The following SYNDIG1 variants were observed in gnomAD, a reference collection of about 807,000 sequenced individuals.
The protein encoded by SYNDIG1 is synapse differentiation-inducing gene protein 1.
SYNDIG1 carries 9 observed loss-of-function variants against 19.4 expected under a neutral mutation model. The ratio of observed to expected loss-of-function variants is 0.46; its 90% CI spans 0.28 to 0.81. The LOEUF is 0.81. Among genes scored for constraint, SYNDIG1 ranks in the 30% least tolerant of loss-of-function variants. The pLI, the probability that SYNDIG1 is intolerant of heterozygous loss-of-function variation, is 0.12. For missense variants in SYNDIG1, 311 were observed against 343.3 expected (o/e 0.91, Z 0.74); for synonymous variants, 141 against 145.9 (o/e 0.97, Z 0.24).
chr20:24,619,436 A>G (rs2059002459), intron 3 of SYNDIG1, among the ~76,000 whole-genome samples: 1 of 152,210 alleles, frequency 6.6e-6, no homozygotes, highest in Admixed American at 6.5e-5. Context: ...AGGGTAGCCA[A>G]TCACTTGTAC....
At position 24,587,972 on chromosome 20, in the gene SYNDIG1, A is replaced by C. The variant is rs959533227; in HGVS notation, c.618+2979A>C. ...ACATGCCAAGCCATTACAGAAAAAC[A>C]AAACAACATCTTATGGTGGTCTGAT... On this transcript the variant is annotated intron_variant, in intron 3 of 3. Transcript: ENST00000376862. 5.9e-5 allele frequency among the ~76,000 whole-genome samples: 9 copies of C among 152,264 alleles called. No individual in the cohort carries two copies. In the East Asian group the frequency reaches 1.7e-3, roughly 29 times the overall value.
intron 3 of SYNDIG1, among the ~76,000 whole-genome samples, chr20:24,595,971 T>G (rs956798658): frequency 1.3e-5 from 2 of 152,200 alleles, no homozygotes; most frequent in African/African-American, 4.8e-5. Flanking sequence ...TCACCTCTGA[T>G]TCTGGTTACT....
chr20:24,537,301 A>G (rs1224427324), intron 1 of SYNDIG1, among the ~76,000 whole-genome samples: 1 of 152,236 alleles, frequency 6.6e-6, no homozygotes, highest in African/African-American at 2.4e-5. Flanking sequence ...AATGAATCAC[A>G]TGCACCCATC....
intron 2 of SYNDIG1, among the ~76,000 whole-genome samples, chr20:24,547,778 A>G (rs2057609642): frequency 6.6e-6 from 1 of 152,208 alleles, no homozygotes; most frequent in South Asian, 2.1e-4. Flanking sequence ...AAACTCAGAG[A>G]GACTTCAGGG....
intron 1 of SYNDIG1, among the ~76,000 whole-genome samples, chr20:24,489,998 T>A (rs1344180394): frequency 6.6e-6 from 1 of 152,168 alleles, no homozygotes; most frequent in South Asian, 2.1e-4. Context: ...CCGAGCTGAA[T>A]CCACCACATC....
intron 1 of SYNDIG1, among the ~76,000 whole-genome samples, chr20:24,517,354 G>A (rs973607140): frequency 1.3e-4 from 19 of 150,386 alleles, no homozygotes; most frequent in Admixed American, 4.0e-4. Context: ...GGTGGCTCAC[G>A]CCTGTAATCC....
intron 1 of SYNDIG1, among the ~76,000 whole-genome samples, chr20:24,504,085 G>T (rs754327409): frequency 6.6e-6 from 1 of 150,492 alleles, no homozygotes; most frequent in African/African-American, 2.5e-5. Context: ...TCAGCCTCCT[G>T]AGTAGCTGGG....
At chr20:24,481,203 T>C (rs2055787401) in intron 1 of SYNDIG1, among the ~76,000 whole-genome samples, 1 of 152,222 alleles carries the variant, frequency 6.6e-6, no homozygotes, top group Non-Finnish European at 1.5e-5. Context: ...CAGGCTATTC[T>C]GATCTACTGT....
intron 3 of SYNDIG1, among the ~76,000 whole-genome samples, chr20:24,602,313 A>G (rs2058690877): frequency 6.6e-6 from 1 of 152,210 alleles, no homozygotes; most frequent in Admixed American, 6.5e-5. Flanking sequence ...CTTTCTTCAG[A>G]TAAGTTATTT....
chr20:24,598,069 C>G (rs2058623593), intron 3 of SYNDIG1, among the ~76,000 whole-genome samples: 1 of 152,178 alleles, frequency 6.6e-6, no homozygotes, highest in Non-Finnish European at 1.5e-5. Context: ...ACCAGGACAG[C>G]CTTGTTTTGA....
In SYNDIG1 at chr20:24,665,656, A is replaced by T. The variant is rs1252605661; in HGVS notation, c.*152A>T. ...CTACCCATGGATTTATTTTGTTTTT[A>T]TCCTTTAATTTCATGTTCACAGCAC... On this transcript the variant is annotated 3_prime_UTR_variant, in exon 4 of 4. Coordinates refer to ENST00000376862, the MANE Select transcript of SYNDIG1 (RefSeq NM_024893.3). 4 of 1,129,770 alleles carry T rather than the reference A, an allele frequency of 3.5e-6. No homozygotes were observed. In the African/African-American group the frequency reaches 4.8e-5, roughly 14 times the overall value. The allele number at this position is 1,129,770 out of a possible 1,614,324, so 70.0% of individuals were successfully genotyped here.
At chr20:24,487,552 C>G (rs1401329054) in intron 1 of SYNDIG1, among the ~76,000 whole-genome samples, 3 of 152,166 alleles carry the variant, frequency 2.0e-5, no homozygotes, top group African/African-American at 7.2e-5. Flanking sequence ...GTCCAGCGCA[C>G]TTTTTTCATG....
chr20:24,572,269 C>G (rs1482990560), intron 2 of SYNDIG1, among the ~76,000 whole-genome samples: 2 of 152,210 alleles, frequency 1.3e-5, no homozygotes, highest in Non-Finnish European at 2.9e-5. Context: ...TACTCAAATC[C>G]TTGCAACCTA....
chr20:24,579,642 A>G (rs146708763), intron 2 of SYNDIG1, among the ~76,000 whole-genome samples: 9 of 152,320 alleles, frequency 5.9e-5, no homozygotes, highest in African/African-American at 9.6e-5. Context: ...CTGAGGGACC[A>G]GTGTTGGTTG....
At chr20:24,497,003 C>T (rs529741599) in intron 1 of SYNDIG1, among the ~76,000 whole-genome samples, 105 of 152,282 alleles carry the variant, frequency 6.9e-4, no homozygotes, top group Non-Finnish European at 1.2e-3. Context: ...CACAGTAGTA[C>T]TAATACCATT....
intron 1 of SYNDIG1, among the ~76,000 whole-genome samples, chr20:24,489,150 C>CGGGG (rs2056062956): frequency 1.3e-5 from 2 of 151,922 alleles, no homozygotes; most frequent in Admixed American, 1.3e-4. Context: ...ATGCACACAC[C>CGGGG]CACACTCATG....
At chr20:24,642,880 G>C (rs921501299) in intron 3 of SYNDIG1, among the ~76,000 whole-genome samples, 1 of 152,088 alleles carries the variant, frequency 6.6e-6, no homozygotes. Context: ...GGCTTCTGGG[G>C]TGTCATTGAT....
intron 2 of SYNDIG1, among the ~76,000 whole-genome samples, chr20:24,574,878 T>G (rs554646054): frequency 6.6e-6 from 1 of 152,224 alleles, no homozygotes; most frequent in African/African-American, 2.4e-5. Flanking sequence ...CCTAGGGCCG[T>G]CGTTAGGTGC....
chr20:24,655,113 A>T (rs1301006942), intron 3 of SYNDIG1, among the ~76,000 whole-genome samples: 1 of 152,196 alleles, frequency 6.6e-6, no homozygotes, highest in East Asian at 1.9e-4. Flanking sequence ...CAAATTTCCA[A>T]AGTGAGGCAT....
Sources: gnomAD v4.1 joint callset for allele counts (sites outside exome capture counted in the v4.1 genomes callset) on GRCh38, gnomAD v4.1.1 for gene constraint, MANE v1.5 for transcripts, NCBI Gene and HGNC (gene_info 2026-07-23, HGNC 2026-07-21) for gene names.